The following TMEM237 variants were observed in gnomAD, a reference collection of about 807,000 sequenced individuals.
TMEM237 encodes amyotrophic lateral sclerosis 2 (juvenile) chromosome region, candidate 4.
Under a neutral mutation model 59.1 loss-of-function variants are expected in TMEM237, and 51 were observed. The ratio of observed to expected loss-of-function variants is 0.86; its 90% CI spans 0.69 to 1.09. The LOEUF is 1.09. Ranked by LOEUF, TMEM237 falls within the 50% of genes least tolerant of loss-of-function variation. The pLI is 0.00. For synonymous variants in TMEM237, 140 were observed against 166.1 expected (o/e 0.84, Z 1.21); for missense variants, 475 against 478.3 (o/e 0.99, Z 0.06).
intron 7 of TMEM237, 95 bp from the exon 8 acceptor site, chr2:201,629,947 A>G: frequency 1.3e-6 from 2 of 1,493,686 alleles, no homozygotes; most frequent in East Asian, 4.7e-5. Context: ...GCCGCAAACT[A>G]AGACTGAAAT....
chr2:201,622,666 C>A lies in TMEM237; in HGVS notation c.*1589G>T, dbSNP rs975948117. ...AAGGACTCATAAGATTACACTGGAC[C>A]CTTCTGGATAATACAGGATAATGTC... On this transcript the variant is annotated 3_prime_UTR_variant, in exon 13 of 13. Transcript: ENST00000409883. 6.6e-6 allele frequency: 1 copy of A among 152,224 alleles called. No homozygotes were observed. The highest frequency in any genetic ancestry group is 6.5e-5 in the Admixed American group (1 of 15,278). The allele number at this position is 152,224 out of a possible 1,614,324, so 9.4% of individuals were successfully genotyped here. A position where few individuals can be genotyped will look rare whatever the true frequency, so the allele number is the denominator to read the frequency against.
In TMEM237 at chr2:201,635,762, T is replaced by TA. The variant is rs11453635; in HGVS notation, c.274+985dup. 0.64 allele frequency among the ~76,000 whole-genome samples: 91,345 copies of TA among 142,364 alleles called. 29,250 individuals carry two copies. Among genetic ancestry groups the TA allele is most frequent in the African/African-American group, 0.68 (26,486 of 38,706 alleles). 93.4% of individuals were successfully genotyped at this position (142,364 alleles called of 152,430 possible). A position where few individuals can be genotyped will look rare whatever the true frequency, so the allele number is the denominator to read the frequency against. On this transcript the variant is annotated intron_variant, in intron 5 of 12. Coordinates refer to ENST00000409883, the MANE Select transcript of TMEM237 (RefSeq NM_001044385.3). The surrounding 1 kb of genome is among the most constrained non-coding windows in gnomAD (Gnocchi z 4.5). ...GGGCTATAAGAGTGAAACTCCATCT[T>TA]AAAAAAAAAAAAAAAGAGGCTCGAA...
chr2:201,633,849 C>T (rs578063047), intron 5 of TMEM237, among the ~76,000 whole-genome samples: 1 of 152,262 alleles, frequency 6.6e-6, no homozygotes, highest in Admixed American at 6.5e-5. Context: ...TTCCAAGAGT[C>T]CTCTATCAGT....
At chr2:201,639,286 C>G (rs751982164) in intron 3 of TMEM237, among the ~76,000 whole-genome samples, 8 of 152,200 alleles carry the variant, frequency 5.3e-5, no homozygotes, top group Non-Finnish European at 7.3e-5. Context: ...GTGGGTTCAA[C>G]AAATATTCAT....
Position 201,620,801 on chromosome 2 carries a change from C to A in TMEM237, c.*3454G>T, listed in dbSNP as rs1006990324. 1.3e-5 allele frequency: 2 copies of A among 152,154 alleles called. No individual in the cohort carries two copies. The highest frequency in any genetic ancestry group is 4.8e-5 in the African/African-American group (2 of 41,426). The allele number at this position is 152,154 out of a possible 1,614,324, so 9.4% of individuals were successfully genotyped here. A position where few individuals can be genotyped will look rare whatever the true frequency, so the allele number is the denominator to read the frequency against. ...AAAATCGTCCTTTCACGGCCTTCCC[C>A]AGCTCTATTTGTTAGGATTTTTAAC... On this transcript the variant is annotated 3_prime_UTR_variant, in exon 13 of 13. Coordinates refer to ENST00000409883, the MANE Select transcript of TMEM237 (RefSeq NM_001044385.3).
chr2:201,639,033 A>C lies in TMEM237; in HGVS notation c.92T>G (p.Leu31Arg). ...GGGCTTCTTTTTCTTAGGACGACTA[A>C]GTGGAATATCATCTATAAAGCAAGA... Reference protein sequence around the residue: ...PPVPSQDDIPLSRPKKKKPRT... With the variant: ...PPVPSQDDIPRSRPKKKKPRT... The change falls in exon 4 of 13, where the codon CTT (leucine) becomes CGT (arginine). Residue 31 changes from leucine (L) to arginine (R), a missense_variant. By Grantham distance (102) the Leu-to-Arg change is moderately radical. Transcript: ENST00000409883. The C allele has an allele frequency of 6.3e-7, 1 of 1,581,392 alleles. No individual in the cohort carries two copies. The highest frequency in any genetic ancestry group is 8.6e-7 in the Non-Finnish European group (1 of 1,162,588).
At chr2:201,642,522 A>G in intron 1 of TMEM237, 1 of 1,487,440 alleles carries the variant, frequency 6.7e-7, no homozygotes, top group Non-Finnish European at 9.1e-7. Flanking sequence ...CCACCCACCC[A>G]GAGACCCAAC....
chr2:201,627,840 G>C (rs1233924265), intron 10 of TMEM237, among the ~76,000 whole-genome samples: 1 of 152,068 alleles, frequency 6.6e-6, no homozygotes, highest in Non-Finnish European at 1.5e-5. Context: ...TAAAAAGTAA[G>C]TAATATAGTA....
chr2:201,633,530 ATT>A (rs1687225445), intron 5 of TMEM237, 99 bp from the exon 6 acceptor site: 2 of 965,358 alleles, frequency 2.1e-6, no homozygotes, highest in Middle Eastern at 3.6e-4. Flanking sequence ...AAGAATTTTA[ATT>A]GGGCAAAAAT....
chr2:201,629,110 C>T, intron 9 of TMEM237, 120 bp downstream of exon 9: 1 of 767,810 alleles, frequency 1.3e-6, no homozygotes, highest in East Asian at 3.2e-5. Flanking sequence ...GGCCTTAAAA[C>T]TTTTTGAAGT....
chr2:201,624,290 G>A lies in TMEM237; in HGVS notation c.1192C>T (p.Pro398Ser), dbSNP rs1957737864. 1.2e-6 allele frequency: 2 copies of A among 1,612,206 alleles called. No individual in the cohort carries two copies. Among genetic ancestry groups the A allele is most frequent in the Non-Finnish European group, 1.7e-6 (2 of 1,178,960 alleles). The change falls in exon 13 of 13, where the codon CCT (proline) becomes TCT (serine). Residue 398 changes from proline to serine, a missense_variant. Pro to Ser is a moderately conservative substitution (Grantham distance 74). Coordinates refer to ENST00000409883, the MANE Select transcript of TMEM237 (RefSeq NM_001044385.3). ...LMFSSEVEEY[P>S]DKEKEIKASS ...GCTTTGATTTCTTTCTCTTTATCAG[G>A]ATATTCTTCCACCTCTGAGGAGAAC... is the stretch of plus-strand genomic sequence containing the variant.
At chr2:201,632,580 T>C (rs570421547) in intron 6 of TMEM237, among the ~76,000 whole-genome samples, 2 of 152,182 alleles carry the variant, frequency 1.3e-5, no homozygotes, top group Non-Finnish European at 2.9e-5. Context: ...TCTCAGGAGA[T>C]CTGATCGTTT....
rs1198704607 is a variant in TMEM237 at position 201,624,280 on chromosome 2, T to C, written c.1202A>G (p.Glu401Gly). The C allele has an allele frequency of 1.9e-6, 3 of 1,612,228 alleles. No homozygotes were observed. The highest frequency in any genetic ancestry group is 2.5e-6 in the Non-Finnish European group (3 of 1,178,956). ...SSEVEEYPDK[E>G]KEIKASS ...TTATGAAGAGGCTTTGATTTCTTTC[T>C]CTTTATCAGGATATTCTTCCACCTC... The change falls in exon 13 of 13, where the codon GAG becomes GGG. Residue 401 changes from glutamate to glycine, a missense_variant. Coordinates refer to ENST00000409883, the MANE Select transcript of TMEM237 (RefSeq NM_001044385.3).
chr2:201,642,609 C>T (rs1189363568), intron 1 of TMEM237: 19 of 1,609,350 alleles, frequency 1.2e-5, no homozygotes, highest in Non-Finnish European at 1.4e-5. Flanking sequence ...GCTCGCTTAC[C>T]ACAGGATTCT....
At position 201,643,369 on chromosome 2, in the gene TMEM237, TCCTCCAGCCGA is replaced by T. The variant is rs1687473843; in HGVS notation, c.21_31del (p.Arg8GlyfsTer17). The T allele has an allele frequency of 6.5e-7, 1 of 1,536,812 alleles. No homozygotes were observed. Among genetic ancestry groups the T allele is most frequent in the African/African-American group, 1.4e-5 (1 of 69,696 alleles). The stretch of plus-strand genomic sequence containing the variant: ...CCCCTCGCCGCTCACCAGGTGGCCC[TCCTCCAGCCGA>T]GCCCCCGAGTCAGTCCTCATGGTGC... On this transcript the variant is annotated frameshift_variant, in exon 1 of 13. Transcript: ENST00000409883. LOFTEE classifies it high-confidence loss of function. The surrounding 1 kb of genome is among the most constrained non-coding windows in gnomAD (Gnocchi z 4.3).
Position 201,643,331 on chromosome 2 carries a change from C to G in TMEM237, c.42+28G>C. 1 of 1,545,536 alleles carries G rather than the reference C, an allele frequency of 6.5e-7. No individual in the cohort carries two copies. Among genetic ancestry groups the G allele is most frequent in the South Asian group, 1.2e-5 (1 of 83,738 alleles). ...GTGTAGCTGTTTACCCGCCACCTCT[C>G]GAGGCCGACGCGCCCCTCGCCGCTC... On this transcript the variant is annotated intron_variant, in intron 1 of 12. Coordinates refer to ENST00000409883, the MANE Select transcript of TMEM237 (RefSeq NM_001044385.3). This position sits in a 1 kb window ranked among gnomAD's most constrained non-coding sequence, Gnocchi z 4.3.
intron 12 of TMEM237, among the ~76,000 whole-genome samples, chr2:201,625,367 AT>A (rs1437392903): frequency 1.1e-4 from 17 of 152,100 alleles, no homozygotes; most frequent in African/African-American, 4.1e-4. Flanking sequence ...ATCTCCAAAA[AT>A]AAAAAATAAA....
At position 201,624,212 on chromosome 2, in the gene TMEM237, G is replaced by T; in HGVS notation, c.*43C>A. ...TAAAAATACATTTAAAAACAAAAAT[G>T]GGACAAATACTGGGTCATTATTCCT... On this transcript the variant is annotated 3_prime_UTR_variant, in exon 13 of 13. Transcript: ENST00000409883. The T allele has an allele frequency of 6.6e-7, 1 of 1,519,734 alleles. No homozygotes were observed. The allele number at this position is 1,519,734 out of a possible 1,614,324, so 94.1% of individuals were successfully genotyped here. A position where few individuals can be genotyped will look rare whatever the true frequency, so the allele number is the denominator to read the frequency against.
intron 6 of TMEM237, 139 bp downstream of exon 6, chr2:201,633,172 T>A: frequency 1.3e-6 from 1 of 793,322 alleles, no homozygotes. Context: ...TTTAACTGAT[T>A]TTTTGTAATA....
Sources: allele counts gnomAD v4.1 joint callset (sites outside exome capture counted in the v4.1 genomes callset), GRCh38; gene constraint gnomAD v4.1.1; non-coding constraint Gnocchi (gnomAD v3.1); transcripts MANE v1.5; gene names NCBI Gene and HGNC (gene_info 2026-07-23, HGNC 2026-07-21).